The following TRIM37 variants were observed in gnomAD, a reference collection of about 807,000 sequenced individuals.
TRIM37 encodes tripartite motif containing 37, also known as E3 ubiquitin-protein ligase TRIM37.
Under a neutral mutation model 129.8 loss-of-function variants are expected in TRIM37, and 80 were observed. The observed-to-expected ratio is 0.62, with a 90% CI of 0.51 to 0.74. The LOEUF (loss-of-function observed/expected upper bound fraction) is 0.74. Among genes scored for constraint, TRIM37 ranks in the 30% least tolerant of loss-of-function variants. TRIM37 has a pLI of 0.00. For synonymous variants in TRIM37, 389 were observed against 387.1 expected (o/e 1.00, Z -0.06); for missense variants, 1,054 against 1,176.5 (o/e 0.90, Z 1.52).
chr17:59,063,425 G>A (rs1329414076), intron 10 of TRIM37, among the ~76,000 whole-genome samples: 5 of 152,058 alleles, frequency 3.3e-5, no homozygotes, highest in Admixed American at 2.6e-4. Flanking sequence ...TGATCCACCC[G>A]CCTTGGCCTC....
chr17:58,970,282 T>G, the TRIM37 span, among the ~76,000 whole-genome samples: 39 of 152,346 alleles, frequency 2.6e-4, no homozygotes, highest in Non-Finnish European at 4.3e-4. Flanking sequence ...ATTGCGAAGG[T>G]TAATCAGACC....
chr17:59,032,985 T>C (rs2038056892), intron 17 of TRIM37, among the ~76,000 whole-genome samples: 4 of 152,174 alleles, frequency 2.6e-5, no homozygotes, highest in Admixed American at 2.0e-4. Flanking sequence ...TACCCCTATA[T>C]TGGACTATGC....
intron 2 of TRIM37, among the ~76,000 whole-genome samples, chr17:59,098,074 T>C (rs1379619058): frequency 6.6e-6 from 1 of 152,176 alleles, no homozygotes; most frequent in Non-Finnish European, 1.5e-5. Flanking sequence ...AACAGTGTGG[T>C]ACTACCATAA....
rs142064043 is a variant in TRIM37, at chr17:59,056,898, T to A, written c.1176A>T (p.Pro392=). 1 of 1,613,848 alleles carries A rather than the reference T, an allele frequency of 6.2e-7. No homozygotes were observed. Among genetic ancestry groups the A allele is most frequent in the Non-Finnish European group, 8.5e-7 (1 of 1,179,906 alleles). ...DLLANEGYLN[P]QNDTVILRFQ... ...ACCTTAAAATCACTGTATCATTTTG[T>A]GGATTCAAGTATCCTTCATTTGCGA... The change falls in exon 13 of 24, where the codon CCA becomes CCT. Residue 392 remains proline (P), a synonymous_variant. Coordinates refer to ENST00000262294, the MANE Select transcript of TRIM37 (RefSeq NM_015294.6).
chr17:59,069,239 C>T (rs2042168079), intron 9 of TRIM37, among the ~76,000 whole-genome samples: 1 of 151,918 alleles, frequency 6.6e-6, no homozygotes, highest in South Asian at 2.1e-4. Context: ...CCCAGCTACC[C>T]AGGAGGCTGA....
At chr17:58,971,454 A>G in the TRIM37 span, among the ~76,000 whole-genome samples, 1 of 152,202 alleles carries the variant, frequency 6.6e-6, no homozygotes, top group Non-Finnish European at 1.5e-5. Flanking sequence ...TAGGACCAAG[A>G]GCTTTAAGTA....
intron 2 of TRIM37, among the ~76,000 whole-genome samples, chr17:59,103,587 G>C (rs957746110): frequency 1.3e-5 from 2 of 149,690 alleles, no homozygotes; most frequent in Admixed American, 1.3e-4. Flanking sequence ...TGATCCACCC[G>C]CCTCGGCCTC....
the TRIM37 span, among the ~76,000 whole-genome samples, chr17:58,976,068 G>A: frequency 6.6e-6 from 1 of 152,200 alleles, no homozygotes; most frequent in Non-Finnish European, 1.5e-5. Context: ...GGCAAAAGCT[G>A]ATTCAGGAAA....
At chr17:59,075,819 A>T in intron 7 of TRIM37, 105 bp from the exon 8 acceptor site, 1 of 887,448 alleles carries the variant, frequency 1.1e-6, no homozygotes, top group Non-Finnish European at 1.8e-6. Flanking sequence ...ACTTCAAGTA[A>T]GCAAAAATTC....
chr17:58,994,128 G>C (rs937777508), downstream of TRIM37, among the ~76,000 whole-genome samples: 1 of 152,148 alleles, frequency 6.6e-6, no homozygotes, highest in African/African-American at 2.4e-5. Context: ...TTCTGTCAGA[G>C]AAAGGCATTA....
At chr17:59,016,409 A>C (rs1413963911) in intron 20 of TRIM37, among the ~76,000 whole-genome samples, 5 of 151,300 alleles carry the variant, frequency 3.3e-5, no homozygotes, top group South Asian at 2.1e-4. Flanking sequence ...AAAAAAAAAA[A>C]AAAAAACTTC....
At chr17:59,040,586 T>C (rs562152642) in intron 17 of TRIM37, among the ~76,000 whole-genome samples, 107 of 152,140 alleles carry the variant, frequency 7.0e-4, no homozygotes, top group Non-Finnish European at 1.4e-3. Context: ...AGACAAAGGC[T>C]AAAGAAAGAA....
At chr17:58,981,078 A>G (rs2031332816), downstream of TRIM37, 5 of 1,313,176 alleles carry the variant, frequency 3.8e-6, no homozygotes, top group Non-Finnish European at 5.3e-6. Context: ...TAAAAATACC[A>G]CTATCAGAGT....
chr17:59,101,677 A>AATATATATAT (rs1555701174), intron 2 of TRIM37, among the ~76,000 whole-genome samples: 1 of 101,556 alleles, frequency 9.8e-6, no homozygotes, highest in African/African-American at 4.1e-5. Context: ...AAAAAAAAAA[A>AATATATATAT]ATATATATAT....
chr17:59,004,059 T>C (rs1312312273), intron 22 of TRIM37, among the ~76,000 whole-genome samples: 1 of 151,588 alleles, frequency 6.6e-6, no homozygotes, highest in East Asian at 1.9e-4. Context: ...CAGTGAGCTA[T>C]GATTGTACCA....
At chr17:59,058,217 G>A (rs963903325) in intron 12 of TRIM37, among the ~76,000 whole-genome samples, 2 of 152,198 alleles carry the variant, frequency 1.3e-5, no homozygotes, top group African/African-American at 2.4e-5. Context: ...ACGAGATTAT[G>A]TTTTTTGTGC....
intron 12 of TRIM37, chr17:59,059,565 A>T (rs2041288723): frequency 6.6e-6 from 1 of 152,456 alleles, no homozygotes; most frequent in African/African-American, 2.4e-5. Flanking sequence ...TCCTGGTCTC[A>T]AGCAATCCTC....
At chr17:59,081,961 A>C (rs71375107) in intron 5 of TRIM37, among the ~76,000 whole-genome samples, 1 of 110,404 alleles carries the variant, frequency 9.1e-6, no homozygotes, top group South Asian at 2.7e-4. Context: ...AATAAAAAAA[A>C]AAAAATAATA....
At chr17:59,070,675 G>T in intron 9 of TRIM37, 148 bp downstream of exon 9, 1 of 879,766 alleles carries the variant, frequency 1.1e-6, no homozygotes. Context: ...CCAGGAGTTT[G>T]AGACCAGCCT....
Sources: allele counts gnomAD v4.1 joint callset (sites outside exome capture counted in the v4.1 genomes callset), GRCh38; gene constraint gnomAD v4.1.1; transcripts MANE v1.5; gene names NCBI Gene and HGNC (gene_info 2026-07-23, HGNC 2026-07-21).